Variants in NPAS3 observed in about 807,000 individuals in gnomAD.
NPAS3 encodes the protein neuronal PAS domain protein 3.
In NPAS3, 14 loss-of-function variants were observed where a neutral mutation model predicts 73.1. The observed-to-expected ratio is 0.19, with a 90% CI of 0.13 to 0.30. The LOEUF (loss-of-function observed/expected upper bound fraction) is 0.30. Among genes scored for constraint, NPAS3 ranks in the 10% least tolerant of loss-of-function variants. NPAS3 has a pLI of 1.00. For synonymous variants in NPAS3, 620 were observed against 541.5 expected (o/e 1.14, Z -2.01); for missense variants, 1,096 against 1,250.0 (o/e 0.88, Z 1.86).
chr14:33,668,818 CAAAAT>C (rs1008445730), intron 5 of NPAS3, among the ~76,000 whole-genome samples: 24 of 151,944 alleles, frequency 1.6e-4, no homozygotes, highest in Non-Finnish European at 2.9e-4. Context: ...GACCCTGTCT[CAAAAT>C]AAAATAAAAT....
intron 4 of NPAS3, among the ~76,000 whole-genome samples, chr14:33,428,384 T>C (rs2048641758): frequency 1.3e-5 from 2 of 152,284 alleles, no homozygotes; most frequent in South Asian, 4.1e-4. Flanking sequence ...TGATAAATGG[T>C]AGCTGTTATT....
chr14:33,134,423 C>A (rs1046728383), intron 2 of NPAS3, among the ~76,000 whole-genome samples: 73 of 152,082 alleles, frequency 4.8e-4, no homozygotes, highest in African/African-American at 1.6e-3. Context: ...AATTTTACAT[C>A]AAAATAACAC....
intron 6 of NPAS3, among the ~76,000 whole-genome samples, chr14:33,726,573 C>A (rs892305552): frequency 1.3e-5 from 2 of 152,094 alleles, no homozygotes; most frequent in Admixed American, 6.5e-5. Context: ...ACCACCCAAC[C>A]AAAATGTGGC....
At chr14:33,796,619 T>C (rs956074813) in intron 10 of NPAS3, among the ~76,000 whole-genome samples, 2 of 152,196 alleles carry the variant, frequency 1.3e-5, no homozygotes, top group South Asian at 4.1e-4. Flanking sequence ...CAGGAGGATT[T>C]CCTTGTGCCT....
chr14:33,359,543 A>G (rs1289032977), intron 3 of NPAS3, among the ~76,000 whole-genome samples: 1 of 152,198 alleles, frequency 6.6e-6, no homozygotes, highest in East Asian at 1.9e-4. Context: ...AGAGGAGGTG[A>G]CAACAGTAAA....
chr14:32,938,526 G>GAGAGAGAGAGGGAGAGAGAA (rs2035800805), upstream of NPAS3, among the ~76,000 whole-genome samples: 1 of 25,390 alleles, frequency 3.9e-5, no homozygotes, highest in African/African-American at 1.7e-4. Flanking sequence ...AGAGAGAGAA[G>GAGAGAGAGAGGGAGAGAGAA]GGGGGGGAGG....
chr14:33,791,150 A>T (rs2063347043), intron 9 of NPAS3, among the ~76,000 whole-genome samples: 1 of 152,174 alleles, frequency 6.6e-6, no homozygotes, highest in Non-Finnish European at 1.5e-5. Flanking sequence ...GGGTAAAACC[A>T]CAGGTCAGTC....
At chr14:33,140,017 C>T (rs2043987656) in intron 2 of NPAS3, among the ~76,000 whole-genome samples, 1 of 151,826 alleles carries the variant, frequency 6.6e-6, no homozygotes, top group Admixed American at 6.6e-5. Context: ...ATGTTGTTTG[C>T]TGTCAGTGCT....
chr14:33,592,971 C>A (rs2057121207), intron 5 of NPAS3, among the ~76,000 whole-genome samples: 1 of 152,044 alleles, frequency 6.6e-6, no homozygotes, highest in South Asian at 2.1e-4. Flanking sequence ...GTTTCTCACC[C>A]TTTTGAGTCC....
chr14:33,591,690 T>C (rs2057072144), intron 5 of NPAS3, among the ~76,000 whole-genome samples: 1 of 152,144 alleles, frequency 6.6e-6, no homozygotes, highest in South Asian at 2.1e-4. Context: ...ATTAGGTATG[T>C]CCCCCCAAAT....
chr14:33,726,595 T>C (rs1360627631), intron 6 of NPAS3, among the ~76,000 whole-genome samples: 1 of 152,126 alleles, frequency 6.6e-6, no homozygotes, highest in Non-Finnish European at 1.5e-5. Context: ...CCCATCACTC[T>C]CTAGTCTCTT....
At chr14:33,239,628 CAATT>C (rs2048152823) in intron 3 of NPAS3, among the ~76,000 whole-genome samples, 1 of 151,890 alleles carries the variant, frequency 6.6e-6, no homozygotes, top group South Asian at 2.1e-4. Context: ...CAAAAAGAAA[CAATT>C]TATTTTCAAC....
At chr14:33,517,545 T>C (rs950146010) in intron 4 of NPAS3, among the ~76,000 whole-genome samples, 2 of 152,012 alleles carry the variant, frequency 1.3e-5, no homozygotes, top group Non-Finnish European at 2.9e-5. Context: ...TTCAGGTCCT[T>C]TGCTTAGGCT....
chr14:32,992,586 GT>G (rs1382416485), intron 1 of NPAS3, among the ~76,000 whole-genome samples: 1 of 152,096 alleles, frequency 6.6e-6, no homozygotes, highest in East Asian at 1.9e-4. Context: ...AGTTATTGAT[GT>G]TTTGGAAGTG....
intron 2 of NPAS3, among the ~76,000 whole-genome samples, chr14:33,168,810 T>C (rs184145268): frequency 7.9e-5 from 12 of 152,320 alleles, no homozygotes; most frequent in Admixed American, 7.8e-4. Flanking sequence ...AACCATGATT[T>C]TTCTGTAACC....
intron 4 of NPAS3, among the ~76,000 whole-genome samples, chr14:33,488,887 C>T (rs1051618448): frequency 6.6e-6 from 1 of 152,156 alleles, no homozygotes; most frequent in South Asian, 2.1e-4. Flanking sequence ...AAGTGTAAAA[C>T]ACCAGCATGT....
intron 3 of NPAS3, among the ~76,000 whole-genome samples, chr14:33,253,587 T>G (rs1206397041): frequency 1.3e-5 from 2 of 152,044 alleles, no homozygotes; most frequent in Non-Finnish European, 2.9e-5. Flanking sequence ...TTTGGTACTT[T>G]TCTCTCTTGT....
At chr14:33,560,660 GGA>G in intron 5 of NPAS3, among the ~76,000 whole-genome samples, 1 of 152,276 alleles carries the variant, frequency 6.6e-6, no homozygotes. Flanking sequence ...TGCGTTGCAG[GGA>G]GGGTTCCAGC....
At chr14:33,590,546 CT>C (rs2057027480) in intron 5 of NPAS3, among the ~76,000 whole-genome samples, 2 of 152,232 alleles carry the variant, frequency 1.3e-5, no homozygotes, top group South Asian at 4.2e-4. Flanking sequence ...TTTTGCTCAT[CT>C]AAGAGAGCCA....
Sources: gnomAD v4.1 joint callset for allele counts (sites outside exome capture counted in the v4.1 genomes callset) on GRCh38, gnomAD v4.1.1 for gene constraint, MANE v1.5 for transcripts, NCBI Gene and HGNC (gene_info 2026-07-23, HGNC 2026-07-21) for gene names.